The following DNM3 variants were observed in gnomAD, a reference collection of about 807,000 sequenced individuals.
DNM3 encodes dynamin 3.
A neutral mutation model predicts 101.6 loss-of-function variants in DNM3; 47 were observed. The ratio of observed to expected loss-of-function variants is 0.46; its 90% CI spans 0.37 to 0.59. The LOEUF is 0.59. Ranked by LOEUF, DNM3 falls within the 20% of genes least tolerant of loss-of-function variation. DNM3 has a pLI of 0.00. For synonymous variants in DNM3, 385 were observed against 387.9 expected, an observed-to-expected ratio of 0.99 and a Z score of 0.09; for missense variants, 849 against 1,085.7, an observed-to-expected ratio of 0.78 and a Z score of 3.06.
intron 1 of DNM3, among the ~76,000 whole-genome samples, chr1:171,849,998 A>G (rs2032732380): frequency 6.6e-6 from 1 of 152,208 alleles, no homozygotes; most frequent in Non-Finnish European, 1.5e-5. Flanking sequence ...TATAAAGTAA[A>G]CCATTCTTAG....
At chr1:172,060,128 C>A (rs888213021) in intron 10 of DNM3, among the ~76,000 whole-genome samples, 1 of 147,976 alleles carries the variant, frequency 6.8e-6, no homozygotes, top group Non-Finnish European at 1.5e-5. Flanking sequence ...ACCTAGGAAT[C>A]CAACTTACAA....
chr1:172,062,761 A>T (rs753516241), intron 10 of DNM3, among the ~76,000 whole-genome samples: 10 of 152,142 alleles, frequency 6.6e-5, no homozygotes, highest in Non-Finnish European at 1.5e-4. Context: ...AACTTAGAAA[A>T]CAGTCACTAT....
chr1:171,964,747 G>A (rs1012657879), intron 2 of DNM3, among the ~76,000 whole-genome samples: 1 of 152,114 alleles, frequency 6.6e-6, no homozygotes, highest in Admixed American at 6.6e-5. Flanking sequence ...ATTTTTGATA[G>A]TATTTTAGTT....
chr1:172,412,308 C>T lies in DNM3; in HGVS notation c.*4467C>T, dbSNP rs2071254705. 1 of 985,320 alleles carries T rather than the reference C, an allele frequency of 1.0e-6. No individual in the cohort carries two copies. Among genetic ancestry groups the T allele is most frequent in the Non-Finnish European group, 1.2e-6 (1 of 829,854 alleles). The allele number at this position is 985,320 out of a possible 1,614,324, so 61.0% of individuals were successfully genotyped here. A position where few individuals can be genotyped will look rare whatever the true frequency, so the allele number is the denominator to read the frequency against. ...AAAATTACTCTGTCTAACCACTTGC[C>T]TTGTCTGCTACCAGTTTGTTAAAAA... On this transcript the variant is annotated 3_prime_UTR_variant, in exon 21 of 21. Transcript: ENST00000627582.
intron 1 of DNM3, among the ~76,000 whole-genome samples, chr1:171,845,352 C>A (rs1252495155): frequency 6.6e-6 from 1 of 152,166 alleles, no homozygotes; most frequent in East Asian, 1.9e-4. Context: ...AGTTTGAGAC[C>A]AGTCTGGGCA....
intron 1 of DNM3, among the ~76,000 whole-genome samples, chr1:171,913,841 T>G (rs1044318305): frequency 6.6e-6 from 1 of 152,162 alleles, no homozygotes; most frequent in Non-Finnish European, 1.5e-5. Context: ...CAGGCTGAAG[T>G]GCAGTGGCAT....
At chr1:171,948,215 A>G (rs1375621160) in intron 2 of DNM3, among the ~76,000 whole-genome samples, 2 of 152,220 alleles carry the variant, frequency 1.3e-5, no homozygotes, top group Non-Finnish European at 2.9e-5. Flanking sequence ...ATAACATTTG[A>G]AAGCACCTGG....
chr1:171,885,777 C>T (rs1208745064), intron 1 of DNM3, among the ~76,000 whole-genome samples: 1 of 152,138 alleles, frequency 6.6e-6, no homozygotes, highest in East Asian at 1.9e-4. Context: ...GGCTCCTTTG[C>T]TTTTCTCCTA....
At chr1:172,237,847 A>G (rs1250080264) in intron 14 of DNM3, among the ~76,000 whole-genome samples, 1 of 152,166 alleles carries the variant, frequency 6.6e-6, no homozygotes, top group Admixed American at 6.6e-5. Context: ...TCTTTTAGGA[A>G]ACATAATTAG....
intron 14 of DNM3, among the ~76,000 whole-genome samples, chr1:172,214,617 G>A (rs922980254): frequency 2.0e-5 from 3 of 151,876 alleles, no homozygotes; most frequent in Non-Finnish European, 2.9e-5. Flanking sequence ...AAGTATTTTC[G>A]AATCTTACAG....
At chr1:172,232,697 C>A (rs1356571560) in intron 14 of DNM3, among the ~76,000 whole-genome samples, 2 of 152,176 alleles carry the variant, frequency 1.3e-5, no homozygotes, top group Non-Finnish European at 2.9e-5. Context: ...TCTCTCAGAC[C>A]ACAGTGCAAT....
chr1:171,908,780 C>A (rs1300996913), intron 1 of DNM3, among the ~76,000 whole-genome samples: 1 of 152,098 alleles, frequency 6.6e-6, no homozygotes. Context: ...ATGGTGTATT[C>A]TCTAAATTTG....
intron 1 of DNM3, among the ~76,000 whole-genome samples, chr1:171,857,785 C>A (rs1191345910): frequency 6.6e-6 from 1 of 152,062 alleles, no homozygotes; most frequent in Non-Finnish European, 1.5e-5. Context: ...CATGTTGAAG[C>A]CCAAACCCCA....
chr1:172,160,337 C>T (rs564007668), intron 14 of DNM3, among the ~76,000 whole-genome samples: 3 of 152,054 alleles, frequency 2.0e-5, no homozygotes, highest in Admixed American at 1.3e-4. Context: ...CTTGACTATT[C>T]GTAATACAGC....
At position 172,411,952 on chromosome 1, in the gene DNM3, G is replaced by C; in HGVS notation, c.*4111G>C. 5 of 985,718 alleles carry C rather than the reference G, an allele frequency of 5.1e-6. No homozygotes were observed. Among genetic ancestry groups the C allele is most frequent in the Non-Finnish European group, 6.0e-6 (5 of 829,846 alleles). 61.1% of individuals were successfully genotyped at this position (985,718 alleles called of 1,614,324 possible). The stretch of plus-strand genomic sequence containing the variant: ...TCTTCTAGATACTCTTACTCATCCT[G>C]TCTGGTTGCTATGTTTAAAATTATG... On this transcript the variant is annotated 3_prime_UTR_variant, in exon 21 of 21. Transcript: ENST00000627582.
chr1:171,892,183 GTGTC>G (rs2037347627), intron 1 of DNM3, among the ~76,000 whole-genome samples: 1 of 152,124 alleles, frequency 6.6e-6, no homozygotes, highest in African/African-American at 2.4e-5. Context: ...GCGTGTGTGT[GTGTC>G]TATGTGTTTT....
At chr1:172,288,366 C>A (rs1355173050) in intron 15 of DNM3, among the ~76,000 whole-genome samples, 1 of 152,142 alleles carries the variant, frequency 6.6e-6, no homozygotes, top group Non-Finnish European at 1.5e-5. Flanking sequence ...TAGGGAGAAG[C>A]TTTGTGTGTT....
intron 14 of DNM3, among the ~76,000 whole-genome samples, chr1:172,159,917 T>C (rs2058481371): frequency 6.6e-6 from 1 of 152,058 alleles, no homozygotes; most frequent in African/African-American, 2.4e-5. Flanking sequence ...CTAGGCTATA[T>C]GGTATATAGC....
At chr1:172,363,336 T>C (rs1268783512) in intron 17 of DNM3, among the ~76,000 whole-genome samples, 2 of 151,906 alleles carry the variant, frequency 1.3e-5, no homozygotes, top group Admixed American at 6.6e-5. Flanking sequence ...TACTAAAAAA[T>C]AAACTCATTT....
Sources: allele counts gnomAD v4.1 joint callset (sites outside exome capture counted in the v4.1 genomes callset), GRCh38; gene constraint gnomAD v4.1.1; transcripts MANE v1.5; gene names NCBI Gene and HGNC (gene_info 2026-07-23, HGNC 2026-07-21).